Variants in N4BP2L1 observed in about 807,000 individuals in gnomAD.
The protein encoded by N4BP2L1 is NEDD4 binding protein 2 like 1.
Under a neutral mutation model 21.2 loss-of-function variants are expected in N4BP2L1, and 12 were observed. The ratio of observed to expected loss-of-function variants is 0.57; its 90% CI spans 0.36 to 0.92. The LOEUF (loss-of-function observed/expected upper bound fraction) is 0.92. Ranked by LOEUF, N4BP2L1 falls within the 40% of genes least tolerant of loss-of-function variation. N4BP2L1 has a pLI of 0.01. For missense variants in N4BP2L1, 259 were observed against 310.6 expected, an observed-to-expected ratio of 0.83 and a Z score of 1.25; for synonymous variants, 104 against 112.8, an observed-to-expected ratio of 0.92 and a Z score of 0.49.
rs796337585 is a variant in N4BP2L1 at position 32,408,379 on chromosome 13, CAGG to C, written c.180-610_180-608del. On this transcript the variant is annotated intron_variant, in intron 1 of 4. Coordinates refer to ENST00000380130, the MANE Select transcript of N4BP2L1 (RefSeq NM_052818.3). ...CGAGCCAAATGGGAGAAAAGCACAA[CAGG>C]AGAAGGAAAGCGACAGAGCCACTGT... 5.9e-5 allele frequency among the ~76,000 whole-genome samples: 9 copies of C among 152,296 alleles called. No homozygotes were observed. The South Asian group carries it at 1.5e-3, about 25-fold the overall frequency.
rs1170321397 is a variant in N4BP2L1, at chr13:32,403,026, TGTGTAGGAATTCC to T, written c.635_647del (p.Trp212Ter). Reference sequence around the variant, plus strand: ...CGTGGGCCCTCCGGTTTGGAAACTCTGTGTAGGAATTCCAGTATCTGGCATTGTTGGAAGGCAA... The same window carrying T: ...CGTGGGCCCTCCGGTTTGGAAACTCTAGTATCTGGCATTGTTGGAAGGCAA... On this transcript the variant is annotated frameshift_variant, in exon 5 of 5. Transcript: ENST00000380130. LOFTEE classifies it low-confidence loss of function (END_TRUNC). The T allele has an allele frequency of 6.2e-7, 1 of 1,614,174 alleles. No individual in the cohort carries two copies. Among genetic ancestry groups the T allele is most frequent in the South Asian group, 1.1e-5 (1 of 91,072 alleles).
intron 1 of N4BP2L1, among the ~76,000 whole-genome samples, chr13:32,422,743 TTCA>T (rs2074552813): frequency 6.6e-6 from 1 of 152,104 alleles, no homozygotes; most frequent in South Asian, 2.1e-4. Context: ...TAAGTCCTCA[TTCA>T]TCCCAGCCTC....
At chr13:32,407,943 A>G (rs757038125) in intron 1 of N4BP2L1, among the ~76,000 whole-genome samples, 171 bp from the exon 2 acceptor site, 5 of 152,252 alleles carry the variant, frequency 3.3e-5, no homozygotes, top group East Asian at 1.9e-4. Context: ...TCTAGAAGGC[A>G]TCACTCCTTA....
chr13:32,428,232 C>G, upstream of N4BP2L1: 1 of 719,844 alleles, frequency 1.4e-6, no homozygotes, highest in Non-Finnish European at 2.0e-6. Context: ...CCGCCGGAAC[C>G]GTGCTGCGTG....
At chr13:32,429,602 C>T (rs548379804), upstream of N4BP2L1, among the ~76,000 whole-genome samples, 4 of 152,268 alleles carry the variant, frequency 2.6e-5, no homozygotes, top group South Asian at 4.1e-4. Flanking sequence ...ACGCTGTGCC[C>T]GGGCCCGGTG....
chr13:32,419,928 G>A (rs920598321), intron 1 of N4BP2L1, among the ~76,000 whole-genome samples: 2 of 152,218 alleles, frequency 1.3e-5, no homozygotes. Context: ...CCTGAGAGCA[G>A]GGAGGGAGCC....
chr13:32,417,009 G>T (rs1255269796), intron 1 of N4BP2L1, among the ~76,000 whole-genome samples: 1 of 152,084 alleles, frequency 6.6e-6, no homozygotes, highest in African/African-American at 2.4e-5. Flanking sequence ...TAGAGACGAG[G>T]TTTCCCCATC....
intron 3 of N4BP2L1, 108 bp from the exon 4 acceptor site, chr13:32,404,505 T>C: frequency 1.3e-6 from 1 of 776,430 alleles, no homozygotes; most frequent in African/African-American, 1.8e-5. Context: ...TTCCTTTTGT[T>C]TTACCAGTAA....
At chr13:32,403,678 G>A (rs578116450) in intron 4 of N4BP2L1, 1 of 535,428 alleles carries the variant, frequency 1.9e-6, no homozygotes, top group East Asian at 5.4e-5. Context: ...CTACTGAATG[G>A]GGTCCATGAA....
chr13:32,413,201 C>T (rs771416985), intron 1 of N4BP2L1, among the ~76,000 whole-genome samples: 10 of 152,208 alleles, frequency 6.6e-5, no homozygotes, highest in African/African-American at 1.7e-4. Context: ...GCTGGGATTA[C>T]AGGCATGAGC....
At chr13:32,407,548 T>C (rs762504228) in intron 2 of N4BP2L1, 97 bp downstream of exon 2, 23 of 1,601,506 alleles carry the variant, frequency 1.4e-5, no homozygotes, top group Non-Finnish European at 2.0e-5. Context: ...GGCAGAACTT[T>C]CGGTTAAACT....
At chr13:32,414,029 G>A (rs1335538872) in intron 1 of N4BP2L1, among the ~76,000 whole-genome samples, 2 of 151,896 alleles carry the variant, frequency 1.3e-5, no homozygotes, top group Non-Finnish European at 2.9e-5. Flanking sequence ...TTACAGGCAT[G>A]TGCCACCATG....
intron 1 of N4BP2L1, among the ~76,000 whole-genome samples, chr13:32,410,295 C>T (rs1335434066): frequency 6.6e-6 from 1 of 152,200 alleles, no homozygotes; most frequent in Non-Finnish European, 1.5e-5. Context: ...CTGAAAGAGC[C>T]TCACCCAGGT....
Position 32,422,007 on chromosome 13 carries a change from C to T in N4BP2L1, c.179+5897G>A, listed in dbSNP as rs188807157. Among the ~76,000 whole-genome samples the T allele has an allele frequency of 3.9e-5, 6 of 152,242 alleles. No individual in the cohort carries two copies. In the East Asian group the frequency reaches 1.2e-3, roughly 29 times the overall value. On this transcript the variant is annotated intron_variant, in intron 1 of 4. Coordinates refer to ENST00000380130, the MANE Select transcript of N4BP2L1 (RefSeq NM_052818.3). The stretch of plus-strand genomic sequence containing the variant: ...GAGCAGATGAGAAAGAGACTTTAGA[C>T]CTGCTTGGGAGTTGGAAGTTGACTA...
intron 1 of N4BP2L1, 35 bp downstream of exon 1, chr13:32,427,869 G>A: frequency 2.2e-6 from 3 of 1,388,974 alleles, no homozygotes; most frequent in Non-Finnish European, 2.8e-6. Context: ...GGTGGCCCCG[G>A]GCCCGTGCAC....
chr13:32,404,163 C>T, intron 4 of N4BP2L1, 158 bp downstream of exon 4: 1 of 1,611,470 alleles, frequency 6.2e-7, no homozygotes, highest in Non-Finnish European at 8.5e-7. Context: ...CTAAAGTCTT[C>T]ACATTAATAA....
intron 1 of N4BP2L1, among the ~76,000 whole-genome samples, chr13:32,418,067 G>A (rs1045853794): frequency 6.6e-6 from 1 of 152,200 alleles, no homozygotes; most frequent in African/African-American, 2.4e-5. Context: ...AAGTAACGAG[G>A]AGCCAAATGT....
At chr13:32,421,294 A>C (rs1209920509) in intron 1 of N4BP2L1, among the ~76,000 whole-genome samples, 1 of 152,230 alleles carries the variant, frequency 6.6e-6, no homozygotes, top group African/African-American at 2.4e-5. Flanking sequence ...AATGCCAAGA[A>C]GAAAAGAAAG....
intron 1 of N4BP2L1, among the ~76,000 whole-genome samples, chr13:32,419,767 A>G (rs113213696): frequency 0.022 from 3,331 of 152,310 alleles, 57 homozygotes; most frequent in Middle Eastern, 0.054. Context: ...GTATGTCTTT[A>G]TTAGTAGAAT....
Sources: allele counts gnomAD v4.1 joint callset (sites outside exome capture counted in the v4.1 genomes callset), GRCh38; gene constraint gnomAD v4.1.1; transcripts MANE v1.5; gene names NCBI Gene and HGNC (gene_info 2026-07-23, HGNC 2026-07-21).